The following TTC23 variants were observed in gnomAD, a reference collection of about 807,000 sequenced individuals.
TTC23 encodes tetratricopeptide repeat protein 23.
In TTC23, 58 loss-of-function variants were observed where a neutral mutation model predicts 55.1. The observed-to-expected ratio is 1.05, with a 90% CI of 0.85 to 1.31. The LOEUF (loss-of-function observed/expected upper bound fraction) is 1.31. TTC23 is among the 50% of genes most tolerant of loss of function. The probability of loss-of-function intolerance (pLI) is 0.00; values close to 1 mark genes in which losing one functional copy is unlikely to be tolerated. For synonymous variants in TTC23, 203 were observed against 199.9 expected (o/e 1.02, Z -0.13); for missense variants, 516 against 534.4 (o/e 0.97, Z 0.34).
At chr15:99,235,890 G>A (rs1192525699) in intron 3 of TTC23, among the ~76,000 whole-genome samples, 1 of 152,154 alleles carries the variant, frequency 6.6e-6, no homozygotes, top group Non-Finnish European at 1.5e-5. Context: ...CTTTGTATGT[G>A]TGGAATTATA....
chr15:99,218,826 A>G (rs577161045), intron 7 of TTC23, 72 bp downstream of exon 7: 1 of 1,594,074 alleles, frequency 6.3e-7, no homozygotes, highest in East Asian at 2.2e-5. Context: ...CATCAGCATC[A>G]GCTTTTTACT....
chr15:99,165,203 A>G (rs546798069), intron 10 of TTC23, among the ~76,000 whole-genome samples: 6 of 152,202 alleles, frequency 3.9e-5, no homozygotes, highest in African/African-American at 1.4e-4. Context: ...GGACATTGAG[A>G]GGACAGAAAT....
At chr15:99,166,716 G>A (rs1191151016) in intron 10 of TTC23, among the ~76,000 whole-genome samples, 1 of 152,198 alleles carries the variant, frequency 6.6e-6, no homozygotes, top group African/African-American at 2.4e-5. Context: ...GCTTCTCTAA[G>A]GTTTTGTGCT....
At chr15:99,176,571 C>G (rs1433762224) in intron 9 of TTC23, among the ~76,000 whole-genome samples, 1 of 152,094 alleles carries the variant, frequency 6.6e-6, no homozygotes, top group Non-Finnish European at 1.5e-5. Flanking sequence ...TATGATTATG[C>G]CACTGCACTT....
At chr15:99,188,752 T>C (rs1176385888) in intron 9 of TTC23, among the ~76,000 whole-genome samples, 2 of 152,038 alleles carry the variant, frequency 1.3e-5, no homozygotes, top group East Asian at 3.8e-4. Flanking sequence ...ATTAAAACTA[T>C]CCTGAGACGT....
intron 3 of TTC23, among the ~76,000 whole-genome samples, chr15:99,238,341 T>G (rs2079493136): frequency 6.6e-6 from 1 of 152,076 alleles, no homozygotes; most frequent in Admixed American, 6.6e-5. Flanking sequence ...GGCTAATGTA[T>G]TACGCAGAAA....
In TTC23 at chr15:99,183,081, T is replaced by C. The variant is rs995220902; in HGVS notation, c.760-7926A>G. On this transcript the variant is annotated intron_variant, in intron 9 of 13. Coordinates refer to ENST00000394132, the MANE Select transcript of TTC23 (RefSeq NM_001288615.3). The stretch of plus-strand genomic sequence containing the variant: ...GAAGACAGGAAGATGTGGGCAAGTT[T>C]GGAACTTCCTAAAGACTTGTGGAAT... Among the ~76,000 whole-genome samples, 3 of 152,310 alleles carry C rather than the reference T, an allele frequency of 2.0e-5. 1 individual carries two copies. Among genetic ancestry groups the C allele is most frequent in the Middle Eastern group, 3.4e-3 (1 of 294 alleles).
intron 12 of TTC23, among the ~76,000 whole-genome samples, chr15:99,141,961 G>C (rs2068277002): frequency 6.6e-6 from 1 of 152,118 alleles, no homozygotes; most frequent in Non-Finnish European, 1.5e-5. Flanking sequence ...AAGGATCCCT[G>C]TCCCTCTGTC....
chr15:99,179,341 C>T (rs2073904747), intron 9 of TTC23, among the ~76,000 whole-genome samples: 1 of 152,186 alleles, frequency 6.6e-6, no homozygotes, highest in Non-Finnish European at 1.5e-5. Flanking sequence ...ACTCCACCGC[C>T]CCCTGACATT....
Position 99,221,680 on chromosome 15 carries a change from A to C in TTC23, c.304+61T>G, listed in dbSNP as rs139718208. On this transcript the variant is annotated intron_variant, in intron 6 of 13. Transcript: ENST00000394132. ...GATCCTTCTAATTAAGTGTGAATCAAATTTTGGGGAGAACAGCAGAAATCG... is the reference window on the plus strand; with the variant it reads ...GATCCTTCTAATTAAGTGTGAATCACATTTTGGGGAGAACAGCAGAAATCG... 113 of 1,603,856 alleles carry C rather than the reference A, an allele frequency of 7.0e-5. No individual in the cohort carries two copies. In the East Asian group the frequency reaches 2.3e-3, roughly 32 times the overall value.
chr15:99,187,866 TA>T (rs1214537350), intron 9 of TTC23, among the ~76,000 whole-genome samples: 3 of 152,056 alleles, frequency 2.0e-5, no homozygotes, highest in Non-Finnish European at 4.4e-5. Flanking sequence ...GATGTGGAGA[TA>T]TTGGAACTTT....
intron 3 of TTC23, among the ~76,000 whole-genome samples, chr15:99,237,019 T>C (rs561203885): frequency 7.3e-5 from 11 of 151,684 alleles, no homozygotes; most frequent in Admixed American, 2.0e-4. Flanking sequence ...TTCACTCTTA[T>C]TGCTCAGGTT....
chr15:99,207,407 A>C (rs1327121511), intron 8 of TTC23, among the ~76,000 whole-genome samples: 1 of 152,202 alleles, frequency 6.6e-6, no homozygotes, highest in Non-Finnish European at 1.5e-5. Context: ...AAGAATTCCA[A>C]ATGTCTAGCA....
At chr15:99,228,783 C>G in intron 4 of TTC23, 51 bp from the exon 5 acceptor site, 1 of 1,384,284 alleles carries the variant, frequency 7.2e-7, no homozygotes, top group Non-Finnish European at 9.7e-7. Context: ...TCCATAGTTA[C>G]TTTTAGAAAT....
chr15:99,137,886 C>G lies in TTC23; in HGVS notation c.*124G>C. On this transcript the variant is annotated 3_prime_UTR_variant, in exon 14 of 14. Transcript: ENST00000394132. The stretch of plus-strand genomic sequence containing the variant: ...TGGTCTCACTGTTGCATGTTGGGGC[C>G]AACAGTTGGCCTTGGAAATCTGTAT... 6.7e-7 allele frequency: 1 copy of G among 1,484,130 alleles called. No homozygotes were observed. Among genetic ancestry groups the G allele is most frequent in the South Asian group, 1.3e-5 (1 of 75,958 alleles). 91.9% of individuals were successfully genotyped at this position (1,484,130 alleles called of 1,614,324 possible).
intron 9 of TTC23, among the ~76,000 whole-genome samples, chr15:99,194,290 A>G (rs2075503617): frequency 6.6e-6 from 1 of 152,226 alleles, no homozygotes; most frequent in Non-Finnish European, 1.5e-5. Flanking sequence ...GATCCAGAAT[A>G]GCCAATGAAA....
chr15:99,236,796 T>C (rs1475983758), intron 3 of TTC23, among the ~76,000 whole-genome samples: 2 of 152,236 alleles, frequency 1.3e-5, no homozygotes, highest in Non-Finnish European at 2.9e-5. Flanking sequence ...TTTGCAGATA[T>C]GTTCTTTCAT....
rs200645127 is a variant in TTC23, at chr15:99,161,876, A to G, written c.866-9T>C. 2.5e-6 allele frequency: 4 copies of G among 1,590,178 alleles called. No individual in the cohort carries two copies. On this transcript the variant is annotated splice_polypyrimidine_tract_variant and intron_variant, in intron 10 of 13. Transcript: ENST00000394132. The stretch of plus-strand genomic sequence containing the variant: ...ATACTGCTCAGCTACATCTGAAGAA[A>G]AGCATTTATCATAACTTTGAAAACT...
chr15:99,187,369 A>C (rs1368307176), intron 9 of TTC23, among the ~76,000 whole-genome samples: 1 of 149,336 alleles, frequency 6.7e-6, no homozygotes, highest in Non-Finnish European at 1.5e-5. Context: ...AATTATAAAA[A>C]CTCTTAGAAG....
Sources: gnomAD v4.1 joint callset for allele counts (sites outside exome capture counted in the v4.1 genomes callset) on GRCh38, gnomAD v4.1.1 for gene constraint, MANE v1.5 for transcripts, NCBI Gene and HGNC (gene_info 2026-07-23, HGNC 2026-07-21) for gene names.